ENTREP2: variants seen among roughly 807,000 people sequenced by gnomAD.
The protein encoded by ENTREP2 is endosomal transmembrane epsin interactor 2.
At chr15:29,224,287 T>C in the ENTREP2 span, among the ~76,000 whole-genome samples, 1 of 152,090 alleles carries the variant, frequency 6.6e-6, no homozygotes, top group Non-Finnish European at 1.5e-5. Context: ...ACCTTCGCAG[T>C]GAGTGTTACA....
chr15:29,476,563 C>G, the ENTREP2 span, among the ~76,000 whole-genome samples: 1 of 152,238 alleles, frequency 6.6e-6, no homozygotes, highest in South Asian at 2.1e-4. Flanking sequence ...CACCACCAGG[C>G]AGGGCCAGAC....
chr15:29,560,625 G>A, the ENTREP2 span, among the ~76,000 whole-genome samples: 2 of 152,016 alleles, frequency 1.3e-5, no homozygotes, highest in African/African-American at 4.8e-5. Flanking sequence ...TCTGTTTTGG[G>A]CGGCCCTGAG....
the ENTREP2 span, among the ~76,000 whole-genome samples, chr15:29,434,381 C>T: frequency 6.6e-6 from 1 of 152,188 alleles, no homozygotes; most frequent in Non-Finnish European, 1.5e-5. Context: ...AAACAAGCCT[C>T]ACATAAGAAG....
At chr15:29,443,537 C>T in the ENTREP2 span, among the ~76,000 whole-genome samples, 2 of 152,212 alleles carry the variant, frequency 1.3e-5, no homozygotes, top group East Asian at 1.9e-4. Flanking sequence ...GGGTGTTTCT[C>T]GCCCACTGGG....
chr15:29,551,905 G>A, the ENTREP2 span, among the ~76,000 whole-genome samples: 2 of 152,144 alleles, frequency 1.3e-5, no homozygotes, highest in African/African-American at 4.8e-5. Context: ...GCAGCCTCCA[G>A]AGAATAAGTA....
the ENTREP2 span, among the ~76,000 whole-genome samples, chr15:29,301,086 C>T: frequency 0.11 from 16,471 of 150,942 alleles, 958 homozygotes; most frequent in Admixed American, 0.16. Context: ...TAGCACTTTT[C>T]TGCAAAGTTT....
At chr15:29,413,718 C>A in the ENTREP2 span, among the ~76,000 whole-genome samples, 1 of 152,036 alleles carries the variant, frequency 6.6e-6, no homozygotes, top group Non-Finnish European at 1.5e-5. Context: ...GCCTGGACTT[C>A]CTAAAATGAC....
At chr15:29,667,193 T>C in the ENTREP2 span, among the ~76,000 whole-genome samples, 3 of 132,944 alleles carry the variant, frequency 2.3e-5, no homozygotes, top group Admixed American at 7.9e-5. Context: ...TTTTCTTTCC[T>C]TTTTTTTTTT....
chr15:29,605,979 C>T, the ENTREP2 span, among the ~76,000 whole-genome samples: 1 of 152,122 alleles, frequency 6.6e-6, no homozygotes, highest in Non-Finnish European at 1.5e-5. Flanking sequence ...CCTACCTAAT[C>T]CCTGTCTTCT....
chr15:29,124,687 C>A, the ENTREP2 span: 1 of 1,550,478 alleles, frequency 6.4e-7, no homozygotes, highest in South Asian at 1.2e-5. Context: ...AGCGTCTCAC[C>A]GCTCCCAGGC....
the ENTREP2 span, among the ~76,000 whole-genome samples, chr15:29,662,337 A>T: frequency 6.6e-6 from 1 of 152,118 alleles, no homozygotes; most frequent in Admixed American, 6.5e-5. Flanking sequence ...GGGAGAAGAA[A>T]TAGTATATAC....
the ENTREP2 span, among the ~76,000 whole-genome samples, chr15:29,484,136 T>C: frequency 6.6e-6 from 1 of 152,208 alleles, no homozygotes; most frequent in Non-Finnish European, 1.5e-5. Context: ...TTTAATTTTT[T>C]ACAATATAGG....
At chr15:29,417,638 T>G in the ENTREP2 span, among the ~76,000 whole-genome samples, 1 of 151,696 alleles carries the variant, frequency 6.6e-6, no homozygotes, top group African/African-American at 2.4e-5. Context: ...AAACTTAAAG[T>G]ATAATAATAA....
the ENTREP2 span, among the ~76,000 whole-genome samples, chr15:29,485,571 C>T: frequency 8.5e-5 from 13 of 152,214 alleles, no homozygotes; most frequent in South Asian, 2.1e-4. Context: ...TTGAGGCACA[C>T]GGTAGAGTGC....
the ENTREP2 span, among the ~76,000 whole-genome samples, chr15:29,164,414 C>A: frequency 1.3e-5 from 2 of 152,254 alleles, no homozygotes; most frequent in African/African-American, 4.8e-5. Flanking sequence ...TAAGAACTCG[C>A]CAACCAACTA....
At chr15:29,580,426 T>C in the ENTREP2 span, among the ~76,000 whole-genome samples, 3 of 152,204 alleles carry the variant, frequency 2.0e-5, no homozygotes, top group Admixed American at 1.3e-4. Flanking sequence ...GTACCTGGCA[T>C]ATAGCAAACA....
the ENTREP2 span, among the ~76,000 whole-genome samples, chr15:29,359,369 T>C: frequency 6.6e-6 from 1 of 152,236 alleles, no homozygotes; most frequent in Non-Finnish European, 1.5e-5. Flanking sequence ...CAGACTCCTT[T>C]CTTCCTCCAA....
chr15:29,459,665 G>A, the ENTREP2 span, among the ~76,000 whole-genome samples: 4 of 152,160 alleles, frequency 2.6e-5, no homozygotes, highest in Non-Finnish European at 5.9e-5. Flanking sequence ...AGGGAGTGAA[G>A]CCAAGGTTTG....
chr15:29,123,322 T>C, the ENTREP2 span: 16 of 1,494,636 alleles, frequency 1.1e-5, no homozygotes, highest in African/African-American at 1.7e-4. Context: ...GTGTCCACGG[T>C]CAGAAATGTG....
Sources: gnomAD v4.1 joint callset for allele counts (sites outside exome capture counted in the v4.1 genomes callset) on GRCh38, gnomAD v4.1.1 for gene constraint, MANE v1.5 for transcripts, NCBI Gene and HGNC (gene_info 2026-07-23, HGNC 2026-07-21) for gene names.